LYRM7: variants seen among roughly 807,000 people sequenced by gnomAD.
LYRM7 encodes LYR motif containing 7.
A neutral mutation model predicts 15.8 loss-of-function variants in LYRM7; 9 were observed. The ratio of observed to expected loss-of-function variants is 0.57; its 90% CI spans 0.34 to 0.99. The LOEUF is 0.99. LYRM7 is among the 50% of genes least tolerant of loss of function. LYRM7 has a pLI of 0.02. For missense variants in LYRM7, 115 were observed against 119.1 expected, an observed-to-expected ratio of 0.97 and a Z score of 0.16; for synonymous variants, 39 against 39.4, an observed-to-expected ratio of 0.99 and a Z score of 0.04.
At chr5:131,193,181 T>A (rs1755912090) in intron 4 of LYRM7, among the ~76,000 whole-genome samples, 1 of 152,246 alleles carries the variant, frequency 6.6e-6, no homozygotes, top group Non-Finnish European at 1.5e-5. Flanking sequence ...TTTATTTAGA[T>A]TTGTCATTGT....
intron 2 of LYRM7, among the ~76,000 whole-genome samples, chr5:131,181,613 T>C (rs911143318): frequency 9.2e-5 from 14 of 151,392 alleles, no homozygotes; most frequent in Middle Eastern, 3.4e-3. Context: ...GTTGCATATT[T>C]GCTAAGCACT....
In LYRM7 at chr5:131,181,398, T is replaced by C. The variant is rs1159238347; in HGVS notation, c.92-831T>C. Among the ~76,000 whole-genome samples, 5 of 80,182 alleles carry C rather than the reference T, an allele frequency of 6.2e-5. No individual in the cohort carries two copies. In the East Asian group the frequency reaches 1.1e-3, roughly 18 times the overall value. The allele number at this position is 80,182 out of a possible 152,430, so 52.6% of individuals were successfully genotyped here. A position where few individuals can be genotyped will look rare whatever the true frequency, so the allele number is the denominator to read the frequency against. On this transcript the variant is annotated intron_variant, in intron 2 of 4. Transcript: ENST00000379380. The stretch of plus-strand genomic sequence containing the variant: ...GTATATATAATATATACATATATAT[T>C]ATATATACATATATATGTTTATATA...
chr5:131,196,594 A>T (rs1235657044), intron 4 of LYRM7, among the ~76,000 whole-genome samples: 1 of 152,070 alleles, frequency 6.6e-6, no homozygotes, highest in African/African-American at 2.4e-5. Flanking sequence ...GTAGCAGAAC[A>T]GGAAGAGAGA....
rs866115761 is a variant in LYRM7 at position 131,188,412 on chromosome 5, A to G, written c.244+1303A>G. Reference sequence around the variant, plus strand: ...AACATGTAAAACAAGCCACATGTAAAAAAAAAAAAAAAAAAAAATTGGCCT... The same window carrying G: ...AACATGTAAAACAAGCCACATGTAAGAAAAAAAAAAAAAAAAAATTGGCCT... On this transcript the variant is annotated intron_variant, in intron 4 of 4. Transcript: ENST00000379380. 6.1e-3 allele frequency among the ~76,000 whole-genome samples: 760 copies of G among 125,406 alleles called. 15 individuals are homozygous for G. The highest frequency in any genetic ancestry group is 5.3e-3 in the Non-Finnish European group (285 of 53,316). 82.3% of individuals were successfully genotyped at this position (125,406 alleles called of 152,430 possible).
In LYRM7 at chr5:131,176,918, A is replaced by C. The variant is rs534375262; in HGVS notation, c.19-3177A>C. Among the ~76,000 whole-genome samples the C allele has an allele frequency of 5.4e-4, 82 of 152,262 alleles. 1 individual carries two copies. In the South Asian group the frequency reaches 0.017, roughly 31 times the overall value. On this transcript the variant is annotated intron_variant, in intron 1 of 4. Coordinates refer to ENST00000379380, the MANE Select transcript of LYRM7 (RefSeq NM_181705.4). Reference sequence around the variant, plus strand: ...TCTTTTTTAGTATTCTATGATGTATATATACACCACATTTTCTCATTTGTG... The same window carrying C: ...TCTTTTTTAGTATTCTATGATGTATCTATACACCACATTTTCTCATTTGTG...
intron 4 of LYRM7, among the ~76,000 whole-genome samples, chr5:131,190,798 G>T (rs1011124860): frequency 3.3e-5 from 5 of 151,992 alleles, no homozygotes; most frequent in Non-Finnish European, 7.4e-5. Context: ...GCTGATCTAA[G>T]TTATGTTTAT....
At chr5:131,196,953 T>C (rs1464567426) in intron 4 of LYRM7, among the ~76,000 whole-genome samples, 2 of 152,022 alleles carry the variant, frequency 1.3e-5, no homozygotes, top group African/African-American at 4.8e-5. Flanking sequence ...ACCATGCCTG[T>C]CCTTTAATCT....
chr5:131,189,847 C>A (rs1409287412), intron 4 of LYRM7, among the ~76,000 whole-genome samples: 1 of 151,950 alleles, frequency 6.6e-6, no homozygotes, highest in Non-Finnish European at 1.5e-5. Flanking sequence ...ATTATTAGAT[C>A]TTGGGCTGGG....
At position 131,205,161 on chromosome 5, in the gene LYRM7, C is replaced by T. The variant is rs1266916477; in HGVS notation, c.*5560C>T. On this transcript the variant is annotated 3_prime_UTR_variant, in exon 5 of 5. Transcript: ENST00000379380. ...AAAGCTAAACCCCACCCTTCTCTTT[C>T]TCCTCTCTCTCCAGGATAATTACTG... The T allele has an allele frequency of 1.3e-5, 2 of 152,200 alleles. No homozygotes were observed. The highest frequency in any genetic ancestry group is 2.9e-5 in the Non-Finnish European group (2 of 67,996). 9.4% of individuals were successfully genotyped at this position (152,200 alleles called of 1,614,324 possible). A position where few individuals can be genotyped will look rare whatever the true frequency, so the allele number is the denominator to read the frequency against.
chr5:131,172,569 A>G (rs1755539540), intron 1 of LYRM7, among the ~76,000 whole-genome samples: 1 of 152,202 alleles, frequency 6.6e-6, no homozygotes, highest in African/African-American at 2.4e-5. Flanking sequence ...TTGGATACAA[A>G]TGGAATTAAG....
At chr5:131,182,933 G>C (rs1316502271) in intron 3 of LYRM7, among the ~76,000 whole-genome samples, 1 of 151,972 alleles carries the variant, frequency 6.6e-6, no homozygotes, top group Non-Finnish European at 1.5e-5. Flanking sequence ...ATAAAGGTAA[G>C]GAAAGGACCC....
intron 1 of LYRM7, among the ~76,000 whole-genome samples, chr5:131,172,049 T>C (rs989491968): frequency 7.2e-5 from 11 of 152,218 alleles, no homozygotes; most frequent in African/African-American, 2.7e-4. Context: ...AGTTATTTAA[T>C]TACAGTTGTA....
In LYRM7 at chr5:131,176,640, T is replaced by A. The variant is rs1402664720; in HGVS notation, c.19-3455T>A. ...ATTACATGGGTAAATTACATAATGG[T>A]GAGGTTTGGGCTTCTAGTGAACCCA... On this transcript the variant is annotated intron_variant, in intron 1 of 4. Coordinates refer to ENST00000379380, the MANE Select transcript of LYRM7 (RefSeq NM_181705.4). 2.0e-5 allele frequency among the ~76,000 whole-genome samples: 3 copies of A among 152,056 alleles called. No individual in the cohort carries two copies. The East Asian group carries it at 5.8e-4, about 29-fold the overall frequency.
At chr5:131,188,692 G>T (rs1380789115) in intron 4 of LYRM7, among the ~76,000 whole-genome samples, 1 of 152,130 alleles carries the variant, frequency 6.6e-6, no homozygotes, top group Non-Finnish European at 1.5e-5. Context: ...CTACTTTGTG[G>T]CTTTCCTTTT....
chr5:131,177,579 T>G (rs1755621510), intron 1 of LYRM7, among the ~76,000 whole-genome samples: 1 of 152,214 alleles, frequency 6.6e-6, no homozygotes. Flanking sequence ...TATTTAGAAA[T>G]CAGGTACCAT....
Position 131,200,006 on chromosome 5 carries a change from T to G in LYRM7, c.*405T>G, listed in dbSNP as rs1756033298. Reference sequence around the variant, plus strand: ...TTTAAATTGTTAGATTAAAATGATATTTAGTCCTGAAAAATATTAAATTGG... The same window carrying G: ...TTTAAATTGTTAGATTAAAATGATAGTTAGTCCTGAAAAATATTAAATTGG... On this transcript the variant is annotated 3_prime_UTR_variant, in exon 5 of 5. Coordinates refer to ENST00000379380, the MANE Select transcript of LYRM7 (RefSeq NM_181705.4). The G allele has an allele frequency of 6.5e-6, 1 of 152,744 alleles. No individual in the cohort carries two copies. Among genetic ancestry groups the G allele is most frequent in the African/African-American group, 2.4e-5 (1 of 41,256 alleles). The allele number at this position is 152,744 out of a possible 1,614,324, so 9.5% of individuals were successfully genotyped here. A position where few individuals can be genotyped will look rare whatever the true frequency, so the allele number is the denominator to read the frequency against.
At position 131,182,233 on chromosome 5, in the gene LYRM7, C is replaced by T. The variant is rs746197873; in HGVS notation, c.96C>T (p.Ala32=). 9 of 1,427,198 alleles carry T rather than the reference C, an allele frequency of 6.3e-6. No homozygotes were observed. In the South Asian group the frequency reaches 1.0e-4, roughly 16 times the overall value. The allele number at this position is 1,427,198 out of a possible 1,614,324, so 88.4% of individuals were successfully genotyped here. Reference sequence around the variant, plus strand: ...TATGTATTTTTCTCTTTGTAGCAGCCAGAATAAAGATAAATGAAGAATTCA... The same window carrying T: ...TATGTATTTTTCTCTTTGTAGCAGCTAGAATAAAGATAAATGAAGAATTCA... ...FKNDARALEA[A]RIKINEEFKN... is the part of the protein sequence containing the mutation. Residue 32 remains alanine, a synonymous_variant, in exon 3 of 5, where the codon GCC becomes GCT. Coordinates refer to ENST00000379380, the MANE Select transcript of LYRM7 (RefSeq NM_181705.4).
At chr5:131,181,275 GAAAAAAAAAAAAAA>G (rs1195878324) in intron 2 of LYRM7, among the ~76,000 whole-genome samples, 1 of 8,336 alleles carries the variant, frequency 1.2e-4, no homozygotes, top group South Asian at 8.6e-3. Context: ...GACTCCATCT[GAAAAAAAAAAAAAA>G]AAAAAAAAAA....
chr5:131,180,650 G>A (rs1755676469), intron 2 of LYRM7, among the ~76,000 whole-genome samples: 1 of 152,150 alleles, frequency 6.6e-6, no homozygotes, highest in Non-Finnish European at 1.5e-5. Flanking sequence ...TGTTATTCAT[G>A]TTCAGTTCCA....
Sources: allele counts gnomAD v4.1 joint callset (sites outside exome capture counted in the v4.1 genomes callset), GRCh38; gene constraint gnomAD v4.1.1; transcripts MANE v1.5; gene names NCBI Gene and HGNC (gene_info 2026-07-23, HGNC 2026-07-21).